Variants in ZRANB1 observed in about 807,000 individuals in gnomAD.
ZRANB1 encodes zinc finger RANBP2-type containing 1.
A neutral mutation model predicts 80.5 loss-of-function variants in ZRANB1; 16 were observed. The observed-to-expected ratio is 0.20, with a 90% CI of 0.13 to 0.30. The LOEUF (loss-of-function observed/expected upper bound fraction) is 0.30. Ranked by LOEUF, ZRANB1 falls within the 10% of genes least tolerant of loss-of-function variation. The probability of loss-of-function intolerance (pLI) is 1.00; values close to 1 mark genes in which losing one functional copy is unlikely to be tolerated. For synonymous variants in ZRANB1, 291 were observed against 293.1 expected (o/e 0.99, Z 0.07); for missense variants, 576 against 862.6 (o/e 0.67, Z 4.16).
intron 1 of ZRANB1, among the ~76,000 whole-genome samples, chr10:124,948,481 C>T (rs1951603326): frequency 6.6e-6 from 1 of 151,454 alleles, no homozygotes; most frequent in African/African-American, 2.4e-5. Flanking sequence ...CTGTTTTCCA[C>T]CTTTTCCATT....
At chr10:124,921,044 GGTATGTTTATAT>G in the ZRANB1 span, among the ~76,000 whole-genome samples, 1 of 152,074 alleles carries the variant, frequency 6.6e-6, no homozygotes, top group Non-Finnish European at 1.5e-5. Flanking sequence ...AAATTTGGTT[GGTATGTTTATAT>G]GTATTATCAG....
chr10:124,984,658 G>T, intron 8 of ZRANB1, 116 bp from the exon 9 acceptor site: 1 of 1,006,874 alleles, frequency 9.9e-7, no homozygotes, highest in South Asian at 1.8e-5. Flanking sequence ...GTGAAAAGTT[G>T]ATTGCTTTGG....
intron 1 of ZRANB1, among the ~76,000 whole-genome samples, chr10:124,965,607 C>A (rs988962419): frequency 6.6e-6 from 1 of 152,178 alleles, no homozygotes; most frequent in African/African-American, 2.4e-5. Context: ...TTTAAAAGTA[C>A]ACTAAGAATA....
chr10:124,978,317 C>T (rs1259073443), intron 5 of ZRANB1, among the ~76,000 whole-genome samples: 1 of 152,118 alleles, frequency 6.6e-6, no homozygotes, highest in African/African-American at 2.4e-5. Context: ...GCTGAGGTGC[C>T]TTTTGCACTT....
chr10:124,918,293 C>T, the ZRANB1 span, among the ~76,000 whole-genome samples: 2 of 152,304 alleles, frequency 1.3e-5, no homozygotes, highest in African/African-American at 4.8e-5. Context: ...CAGGTTCAAG[C>T]GATTCTCCTG....
intron 5 of ZRANB1, among the ~76,000 whole-genome samples, chr10:124,980,364 T>G (rs1293433784): frequency 6.6e-6 from 1 of 152,208 alleles, no homozygotes; most frequent in Non-Finnish European, 1.5e-5. Context: ...TCTTCAGTGG[T>G]CTTTGAAGAG....
chr10:124,957,887 T>C (rs1332159895), intron 1 of ZRANB1, among the ~76,000 whole-genome samples: 1 of 152,072 alleles, frequency 6.6e-6, no homozygotes, highest in Admixed American at 6.6e-5. Context: ...TGCCACCATG[T>C]GTGTCTAATT....
At chr10:124,920,204 C>T in the ZRANB1 span, among the ~76,000 whole-genome samples, 5 of 152,292 alleles carry the variant, frequency 3.3e-5, no homozygotes, top group South Asian at 2.1e-4. Context: ...GGATTACAGG[C>T]GTGAGCCACC....
At chr10:124,978,066 G>C (rs559348471) in intron 5 of ZRANB1, among the ~76,000 whole-genome samples, 1 of 152,282 alleles carries the variant, frequency 6.6e-6, no homozygotes, top group South Asian at 2.1e-4. Context: ...GTATTGGGGG[G>C]TGGGTTGGGG....
intron 1 of ZRANB1, among the ~76,000 whole-genome samples, chr10:124,965,467 A>G (rs887661867): frequency 1.3e-5 from 2 of 152,214 alleles, no homozygotes; most frequent in Non-Finnish European, 2.9e-5. Flanking sequence ...GATTCAGTAA[A>G]TGTGGGAATT....
chr10:124,917,481 T>G, the ZRANB1 span, among the ~76,000 whole-genome samples: 39 of 151,908 alleles, frequency 2.6e-4, no homozygotes, highest in Non-Finnish European at 4.6e-4. Context: ...CCGGGGGCTG[T>G]GGGAGGGCGG....
chr10:124,924,074 T>C, the ZRANB1 span, among the ~76,000 whole-genome samples: 1 of 152,032 alleles, frequency 6.6e-6, no homozygotes. Context: ...GGGTGGTCTC[T>C]TTCTTTTTTT....
the ZRANB1 span, among the ~76,000 whole-genome samples, chr10:124,925,237 G>A: frequency 1.3e-5 from 2 of 151,794 alleles, no homozygotes; most frequent in Admixed American, 1.3e-4. Flanking sequence ...AGCAATATAT[G>A]TTCCGTTTCT....
upstream of ZRANB1, among the ~76,000 whole-genome samples, chr10:124,938,912 C>G (rs539861085): frequency 4.6e-5 from 7 of 151,856 alleles, no homozygotes; most frequent in Non-Finnish European, 8.8e-5. Flanking sequence ...CATAGTGGCT[C>G]GCGCCTGTAA....
At chr10:124,961,917 C>T (rs1951737209) in intron 1 of ZRANB1, among the ~76,000 whole-genome samples, 1 of 152,202 alleles carries the variant, frequency 6.6e-6, no homozygotes, top group African/African-American at 2.4e-5. Flanking sequence ...TGGATCTTAA[C>T]TTGTTGCTAT....
At chr10:124,933,610 A>G in the ZRANB1 span, among the ~76,000 whole-genome samples, 1 of 152,240 alleles carries the variant, frequency 6.6e-6, no homozygotes, top group Non-Finnish European at 1.5e-5. Flanking sequence ...CTCTGAGCAC[A>G]GGGACAGTGT....
chr10:124,938,379 G>A (rs1385042678), upstream of ZRANB1, among the ~76,000 whole-genome samples: 1 of 151,344 alleles, frequency 6.6e-6, no homozygotes, highest in East Asian at 1.9e-4. Context: ...CACTCTGAGT[G>A]CAATGGTGTG....
chr10:124,983,442 CTTCCCTCTCT>C lies in ZRANB1; in HGVS notation c.1679-12_1679-3del, dbSNP rs995296425. ...TTCTTCCTGTGACTGTTGGGATTTT[CTTCCCTCTCT>C]TTCCAGGTGTTTATCTGCCTTTGTT... On this transcript the variant is annotated splice_region_variant and splice_polypyrimidine_tract_variant and intron_variant, in intron 7 of 8. Transcript: ENST00000359653. This position sits in a 1 kb window ranked among gnomAD's most constrained non-coding sequence, Gnocchi z 6.2. 29 of 1,602,226 alleles carry C rather than the reference CTTCCCTCTCT, an allele frequency of 1.8e-5. No homozygotes were observed. Among genetic ancestry groups the C allele is most frequent in the Non-Finnish European group, 2.4e-5 (28 of 1,171,660 alleles).
At chr10:124,933,176 G>A in the ZRANB1 span, among the ~76,000 whole-genome samples, 13 of 134,190 alleles carry the variant, frequency 9.7e-5, no homozygotes, top group Non-Finnish European at 1.2e-4. Context: ...TGCTCTTGTT[G>A]CCCAGGCTGG....
Sources: allele counts gnomAD v4.1 joint callset (sites outside exome capture counted in the v4.1 genomes callset), GRCh38; gene constraint gnomAD v4.1.1; non-coding constraint Gnocchi (gnomAD v3.1); transcripts MANE v1.5; gene names NCBI Gene and HGNC (gene_info 2026-07-23, HGNC 2026-07-21).